KIAA0319L: variants seen among roughly 807,000 people sequenced by gnomAD.
KIAA0319L encodes the protein KIAA0319 like.
Under a neutral mutation model 120.1 loss-of-function variants are expected in KIAA0319L, and 55 were observed. That is an observed-to-expected ratio of 0.46 (90% CI 0.37 to 0.57). The LOEUF (loss-of-function observed/expected upper bound fraction) is 0.57, where lower values mean the gene tolerates loss of function less well. Ranked by LOEUF, KIAA0319L falls within the 20% of genes least tolerant of loss-of-function variation. The pLI is 0.00. For missense variants in KIAA0319L, 1,049 were observed against 1,255.3 expected, an observed-to-expected ratio of 0.84 and a Z score of 2.48; for synonymous variants, 398 against 471.9, an observed-to-expected ratio of 0.84 and a Z score of 2.03.
intron 2 of KIAA0319L, among the ~76,000 whole-genome samples, chr1:35,542,270 T>C (rs1365913436): frequency 6.6e-6 from 1 of 152,240 alleles, no homozygotes; most frequent in African/African-American, 2.4e-5. Flanking sequence ...TACTGTCATT[T>C]CCATTTTATA....
At position 35,554,748 on chromosome 1, in the gene KIAA0319L, T is replaced by G. The variant is rs1025020375; in HGVS notation, c.-28-229A>C. The G allele has an allele frequency of 2.2e-5, 7 of 314,058 alleles. No individual in the cohort carries two copies. The Admixed American group carries it at 2.4e-4, about 11-fold the overall frequency. The allele number at this position is 314,058 out of a possible 1,614,324, so 19.5% of individuals were successfully genotyped here. The stretch of plus-strand genomic sequence containing the variant: ...AAATGAATCCACTGAAAACTGAAAC[T>G]TTATATTCCTTTTTTTTTTTTTAAT... On this transcript the variant is annotated intron_variant, in intron 1 of 20. Coordinates refer to ENST00000325722, the MANE Select transcript of KIAA0319L (RefSeq NM_024874.5).
At chr1:35,470,492 C>CAAA (rs34215571) in intron 6 of KIAA0319L, among the ~76,000 whole-genome samples, 5 of 73,420 alleles carry the variant, frequency 6.8e-5, no homozygotes, top group African/African-American at 1.1e-4. Flanking sequence ...GACCCTGTCT[C>CAAA]AAAAAAAAAA....
At chr1:35,517,116 T>A (rs554388920) in intron 2 of KIAA0319L, among the ~76,000 whole-genome samples, 73 of 152,192 alleles carry the variant, frequency 4.8e-4, no homozygotes, top group Non-Finnish European at 9.1e-4. Flanking sequence ...ATCAATATCA[T>A]TAAAATGGTC....
chr1:35,548,889 T>C (rs558867336), intron 2 of KIAA0319L, among the ~76,000 whole-genome samples: 2 of 152,182 alleles, frequency 1.3e-5, no homozygotes, highest in Non-Finnish European at 2.9e-5. Flanking sequence ...TCCCATTGCA[T>C]GGGAATACCC....
In KIAA0319L at chr1:35,434,297, C is replaced by T. The variant is rs1031182572; in HGVS notation, c.*597G>A. 6.6e-6 allele frequency: 1 copy of T among 152,130 alleles called. No individual in the cohort carries two copies. The highest frequency in any genetic ancestry group is 6.5e-5 in the Admixed American group (1 of 15,270). 9.4% of individuals were successfully genotyped at this position (152,130 alleles called of 1,614,324 possible). ...AGAGATGGGGTTTCACCGTGTTAGC[C>T]AGGGTGGTCTTGATCTCCTGACCTC... On this transcript the variant is annotated 3_prime_UTR_variant, in exon 21 of 21. Coordinates refer to ENST00000325722, the MANE Select transcript of KIAA0319L (RefSeq NM_024874.5).
At chr1:35,442,470 C>T in intron 18 of KIAA0319L, 134 bp from the exon 19 acceptor site, 1 of 717,270 alleles carries the variant, frequency 1.4e-6, no homozygotes, top group South Asian at 1.6e-5. Flanking sequence ...AAGGTAAGAC[C>T]TTGGAGTTAA....
In KIAA0319L at chr1:35,521,437, A is replaced by G. The variant is rs1018799306; in HGVS notation, c.143-14302T>C. ...AACATGAGGTCAGGAGATCTAAACC[A>G]TCCTGGCTAACACGGTGAAACCCTG... On this transcript the variant is annotated intron_variant, in intron 2 of 20. Transcript: ENST00000325722. 6.6e-5 allele frequency among the ~76,000 whole-genome samples: 10 copies of G among 151,954 alleles called. No individual in the cohort carries two copies. In the South Asian group the frequency reaches 1.7e-3, roughly 25 times the overall value.
At chr1:35,466,180 G>A (rs148394434) in intron 7 of KIAA0319L, among the ~76,000 whole-genome samples, 32 of 152,274 alleles carry the variant, frequency 2.1e-4, no homozygotes, top group Non-Finnish European at 4.1e-4. Context: ...AAAGAGACTG[G>A]TAGTGTTTAA....
chr1:35,457,335 C>T (rs972787943), intron 9 of KIAA0319L, among the ~76,000 whole-genome samples: 3 of 152,064 alleles, frequency 2.0e-5, no homozygotes, highest in African/African-American at 7.2e-5. Flanking sequence ...TTCCCATCAT[C>T]CTGTTCCAGC....
chr1:35,548,781 A>G (rs1197882127), intron 2 of KIAA0319L, among the ~76,000 whole-genome samples: 1 of 151,942 alleles, frequency 6.6e-6, no homozygotes, highest in Non-Finnish European at 1.5e-5. Context: ...TGGAGCTGCC[A>G]TACCAGCTTT....
chr1:35,452,559 C>T (rs779802286), intron 12 of KIAA0319L, among the ~76,000 whole-genome samples: 1 of 152,224 alleles, frequency 6.6e-6, no homozygotes, highest in Non-Finnish European at 1.5e-5. Context: ...GGTAGCTCCT[C>T]CTGAAGCACA....
Position 35,460,296 on chromosome 1 carries a change from C to T in KIAA0319L, c.1427+9G>A. The T allele has an allele frequency of 6.2e-7, 1 of 1,607,850 alleles. No individual in the cohort carries two copies. Among genetic ancestry groups the T allele is most frequent in the Non-Finnish European group, 8.5e-7 (1 of 1,178,070 alleles). ...CCTATGGTAAACTTGAAGCTGAATC[C>T]TAATTTACCTGAAAGTGTAGTTCCC... On this transcript the variant is annotated intron_variant, in intron 9 of 20. Coordinates refer to ENST00000325722, the MANE Select transcript of KIAA0319L (RefSeq NM_024874.5).
Position 35,554,538 on chromosome 1 carries a change from A to G in KIAA0319L, c.-28-19T>C. 4.9e-6 allele frequency: 7 copies of G among 1,421,076 alleles called. No homozygotes were observed. The highest frequency in any genetic ancestry group is 6.7e-6 in the Non-Finnish European group (7 of 1,051,918). The allele number at this position is 1,421,076 out of a possible 1,614,324, so 88.0% of individuals were successfully genotyped here. ...CAGTACACTAGAAGGACAGAAAGAGAAGAAATTACATGCCGAGTAATTAAT... is the reference window on the plus strand; with the variant it reads ...CAGTACACTAGAAGGACAGAAAGAGGAGAAATTACATGCCGAGTAATTAAT... On this transcript the variant is annotated intron_variant, in intron 1 of 20. Coordinates refer to ENST00000325722, the MANE Select transcript of KIAA0319L (RefSeq NM_024874.5).
chr1:35,455,525 CAACT>C (rs1642375432), intron 10 of KIAA0319L, among the ~76,000 whole-genome samples: 1 of 150,572 alleles, frequency 6.6e-6, no homozygotes, highest in East Asian at 2.0e-4. Flanking sequence ...TCATCCAGAA[CAACT>C]AACATTTCTC....
intron 7 of KIAA0319L, among the ~76,000 whole-genome samples, chr1:35,465,463 C>A (rs1474293296): frequency 2.0e-5 from 3 of 152,218 alleles, no homozygotes; most frequent in African/African-American, 7.2e-5. Flanking sequence ...TATATTTATC[C>A]AAGCCTGTAC....
chr1:35,525,554 AGAT>A (rs1380930804), intron 2 of KIAA0319L, among the ~76,000 whole-genome samples: 1 of 152,178 alleles, frequency 6.6e-6, no homozygotes, highest in Non-Finnish European at 1.5e-5. Context: ...AACTGGGGTA[AGAT>A]GATATCTCAT....
chr1:35,436,147 A>C lies in KIAA0319L; in HGVS notation c.2963-1066T>G, dbSNP rs185580958. 3.4e-3 allele frequency among the ~76,000 whole-genome samples: 525 copies of C among 152,250 alleles called. 2 individuals are homozygous for C. Among genetic ancestry groups the C allele is most frequent in the Non-Finnish European group, 4.8e-3 (326 of 68,014 alleles). On this transcript the variant is annotated intron_variant, in intron 20 of 20. Coordinates refer to ENST00000325722, the MANE Select transcript of KIAA0319L (RefSeq NM_024874.5). ...GGATCCAGATCTCCCTCACATACTG[A>C]AAGTGCCTTGAGAGGATTCCCAGCC...
intron 3 of KIAA0319L, among the ~76,000 whole-genome samples, chr1:35,503,302 T>A (rs750939835): frequency 6.6e-6 from 1 of 152,210 alleles, no homozygotes; most frequent in African/African-American, 2.4e-5. Flanking sequence ...GAAGGAAGTA[T>A]CCTGCTTAAG....
intron 2 of KIAA0319L, among the ~76,000 whole-genome samples, chr1:35,545,837 G>A (rs568319629): frequency 6.6e-6 from 1 of 152,280 alleles, no homozygotes; most frequent in Non-Finnish European, 1.5e-5. Flanking sequence ...AGAGGTTGCA[G>A]TGAGCCAAGA....
Sources: gnomAD v4.1 joint callset for allele counts (sites outside exome capture counted in the v4.1 genomes callset) on GRCh38, gnomAD v4.1.1 for gene constraint, MANE v1.5 for transcripts, NCBI Gene and HGNC (gene_info 2026-07-23, HGNC 2026-07-21) for gene names.